Variants in FAXC observed in about 807,000 individuals in gnomAD.
The protein encoded by FAXC is failed axon connections homolog.
Under a neutral mutation model 41.9 loss-of-function variants are expected in FAXC, and 10 were observed. The ratio of observed to expected loss-of-function variants is 0.24; its 90% confidence interval spans 0.15 to 0.41. The LOEUF (loss-of-function observed/expected upper bound fraction) is 0.41, where lower values mean the gene tolerates loss of function less well. FAXC is among the 10% of genes least tolerant of loss of function. The probability of loss-of-function intolerance (pLI) is 1.00; values close to 1 mark genes in which losing one functional copy is unlikely to be tolerated. For missense variants in FAXC, 399 were observed against 510.9 expected (o/e 0.78, Z 2.11); for synonymous variants, 183 against 183.8 (o/e 1.00, Z 0.03).
chr6:99,306,266 G>T (rs989008255), intron 4 of FAXC, among the ~76,000 whole-genome samples: 1 of 152,192 alleles, frequency 6.6e-6, no homozygotes, highest in Non-Finnish European at 1.5e-5. Flanking sequence ...AAGGGCCGGG[G>T]TCTATGAAAT....
At chr6:99,334,310 G>A (rs1291639767) in intron 2 of FAXC, among the ~76,000 whole-genome samples, 1 of 152,094 alleles carries the variant, frequency 6.6e-6, no homozygotes, top group Non-Finnish European at 1.5e-5. Flanking sequence ...TAACTATTGG[G>A]GATGTTATAG....
At chr6:99,348,991 G>A in intron 1 of FAXC, 116 bp downstream of exon 1, 3 of 973,558 alleles carry the variant, frequency 3.1e-6, no homozygotes, top group Non-Finnish European at 4.6e-6. Context: ...ATTGCAGGGC[G>A]CTTGGGCATC....
At chr6:99,319,341 G>C (rs1267736186) in intron 4 of FAXC, among the ~76,000 whole-genome samples, 4 of 149,182 alleles carry the variant, frequency 2.7e-5, no homozygotes, top group East Asian at 4.0e-4. Flanking sequence ...GGAGCTTGCA[G>C]TGAGCCGAGA....
intron 4 of FAXC, among the ~76,000 whole-genome samples, chr6:99,303,181 G>T (rs1236529187): frequency 1.3e-5 from 2 of 152,114 alleles, no homozygotes; most frequent in Non-Finnish European, 2.9e-5. Flanking sequence ...GTACCTATAT[G>T]CCCTGATGGT....
At chr6:99,285,167 G>T (rs147286159) in intron 5 of FAXC, among the ~76,000 whole-genome samples, 9 of 152,194 alleles carry the variant, frequency 5.9e-5, no homozygotes, top group African/African-American at 2.2e-4. Flanking sequence ...ATTTAAATGT[G>T]CATATCTCTT....
At chr6:99,302,582 G>A (rs1771757028) in intron 4 of FAXC, among the ~76,000 whole-genome samples, 1 of 152,156 alleles carries the variant, frequency 6.6e-6, no homozygotes, top group Non-Finnish European at 1.5e-5. Context: ...CTTGAACCCA[G>A]GAGGCAGAAG....
At chr6:99,342,678 G>A (rs986371497) in intron 2 of FAXC, among the ~76,000 whole-genome samples, 6 of 152,118 alleles carry the variant, frequency 3.9e-5, no homozygotes, top group Non-Finnish European at 5.9e-5. Context: ...ATATCATGGC[G>A]CTGAATCTCT....
At chr6:99,325,441 T>C (rs1484393200) in intron 3 of FAXC, among the ~76,000 whole-genome samples, 4 of 152,216 alleles carry the variant, frequency 2.6e-5, no homozygotes, top group East Asian at 1.9e-4. Context: ...GTGACTCTTT[T>C]GGTAAGTCTC....
chr6:99,278,753 G>A lies in FAXC; in HGVS notation c.*2411C>T, dbSNP rs903447033. On this transcript the variant is annotated 3_prime_UTR_variant, in exon 6 of 6. Coordinates refer to ENST00000389677, the MANE Select transcript of FAXC (RefSeq NM_032511.4). ...TATATGCTGTCAGGCAATTGCCCAA[G>A]ACTCCAGATAGCAATGTCCATTCAT... 1 of 152,192 alleles carries A rather than the reference G, an allele frequency of 6.6e-6. No homozygotes were observed. Among genetic ancestry groups the A allele is most frequent in the Admixed American group, 6.5e-5 (1 of 15,280 alleles). 9.4% of individuals were successfully genotyped at this position (152,192 alleles called of 1,614,324 possible).
chr6:99,334,394 CA>C (rs2128463078), intron 2 of FAXC, among the ~76,000 whole-genome samples: 1 of 152,200 alleles, frequency 6.6e-6, no homozygotes, highest in East Asian at 1.9e-4. Context: ...TGGTCCATTC[CA>C]AGGTTTGCGG....
intron 3 of FAXC, among the ~76,000 whole-genome samples, chr6:99,327,880 C>T (rs540988481): frequency 2.0e-5 from 3 of 152,334 alleles, no homozygotes; most frequent in Non-Finnish European, 4.4e-5. Flanking sequence ...TCTATAAACA[C>T]TGCAGTTCAG....
rs969915478 is a variant in FAXC at position 99,271,862 on chromosome 6, A to G, written c.*9302T>C. 2.0e-5 allele frequency: 3 copies of G among 152,218 alleles called. No individual in the cohort carries two copies. The highest frequency in any genetic ancestry group is 6.5e-5 in the Admixed American group (1 of 15,270). 9.4% of individuals were successfully genotyped at this position (152,218 alleles called of 1,614,324 possible). The stretch of plus-strand genomic sequence containing the variant: ...TTATTATTTGACCAAAGATTTGGTC[A>G]AATTTTAAGATAGAATTTGAAACAT... On this transcript the variant is annotated 3_prime_UTR_variant, in exon 6 of 6. Coordinates refer to ENST00000389677, the MANE Select transcript of FAXC (RefSeq NM_032511.4).
intron 4 of FAXC, among the ~76,000 whole-genome samples, chr6:99,315,294 C>G (rs1027108539): frequency 6.9e-6 from 1 of 144,444 alleles, no homozygotes; most frequent in Non-Finnish European, 1.5e-5. Flanking sequence ...AAGAAGGCTT[C>G]CAGAACCACC....
chr6:99,325,330 A>T (rs1207328991), intron 3 of FAXC, among the ~76,000 whole-genome samples: 1 of 152,222 alleles, frequency 6.6e-6, no homozygotes, highest in African/African-American at 2.4e-5. Context: ...TTCACCAAAA[A>T]GTCTTACAGC....
chr6:99,330,016 A>G (rs2128461865), intron 3 of FAXC, among the ~76,000 whole-genome samples: 1 of 151,846 alleles, frequency 6.6e-6, no homozygotes, highest in South Asian at 2.1e-4. Flanking sequence ...CTCCCGCCTC[A>G]GTCGCCACCA....
intron 3 of FAXC, among the ~76,000 whole-genome samples, chr6:99,326,309 G>A (rs1343187805): frequency 4.6e-5 from 7 of 152,196 alleles, no homozygotes; most frequent in Admixed American, 4.6e-4. Context: ...AAAGGCAGAA[G>A]GAATCCATAG....
intron 4 of FAXC, among the ~76,000 whole-genome samples, chr6:99,312,880 C>T (rs1772200385): frequency 6.6e-6 from 1 of 152,144 alleles, no homozygotes; most frequent in South Asian, 2.1e-4. Flanking sequence ...TATGTCAATG[C>T]CTCTCCCATA....
intron 4 of FAXC, 83 bp downstream of exon 4, chr6:99,323,361 T>A (rs1772660126): frequency 8.1e-7 from 1 of 1,227,610 alleles, no homozygotes; most frequent in South Asian, 1.4e-5. Flanking sequence ...AATTAAAACA[T>A]AAATTAGTGA....
At chr6:99,311,665 C>G (rs1379019551) in intron 4 of FAXC, among the ~76,000 whole-genome samples, 1 of 152,290 alleles carries the variant, frequency 6.6e-6, no homozygotes, top group South Asian at 2.1e-4. Flanking sequence ...AAACATCTCA[C>G]CATCTGTAAA....
Sources: gnomAD v4.1 joint callset for allele counts (sites outside exome capture counted in the v4.1 genomes callset) on GRCh38, gnomAD v4.1.1 for gene constraint, MANE v1.5 for transcripts, NCBI Gene and HGNC (gene_info 2026-07-23, HGNC 2026-07-21) for gene names.